Variants in ZNF280D observed in about 807,000 individuals in gnomAD.
ZNF280D encodes the protein zinc finger protein 280D.
ZNF280D carries 39 observed loss-of-function variants against 94.7 expected under a neutral mutation model. The ratio of observed to expected loss-of-function variants is 0.41; its 90% CI spans 0.32 to 0.54. The LOEUF (loss-of-function observed/expected upper bound fraction) is 0.54. Among genes scored for constraint, ZNF280D ranks in the 20% least tolerant of loss-of-function variants. ZNF280D has a pLI of 0.22. For synonymous variants in ZNF280D, 398 were observed against 377.6 expected (o/e 1.05, Z -0.63); for missense variants, 1,090 against 1,149.3 (o/e 0.95, Z 0.75).
At chr15:56,685,162 T>C (rs1162223224) in intron 9 of ZNF280D, among the ~76,000 whole-genome samples, 2 of 152,160 alleles carry the variant, frequency 1.3e-5, no homozygotes, top group African/African-American at 4.8e-5. Context: ...TACAGTCAAA[T>C]TGCTTTGAAC....
At chr15:56,646,790 A>C (rs1472631346) in intron 19 of ZNF280D, among the ~76,000 whole-genome samples, 2 of 152,226 alleles carry the variant, frequency 1.3e-5, no homozygotes, top group Non-Finnish European at 2.9e-5. Flanking sequence ...GACCTAAGCC[A>C]CTATGAAAGG....
In ZNF280D at chr15:56,719,086, T is replaced by C. The variant is rs531467011; in HGVS notation, c.-85-11780A>G. 5.3e-4 allele frequency among the ~76,000 whole-genome samples: 81 copies of C among 152,254 alleles called. No homozygotes were observed. The Middle Eastern group carries it at 0.01, about 19-fold the overall frequency. ...AACTGTTCCCTAACAGCAGATCTAA[T>C]AGATCCCATAGTCTCAGCTATCAAT... On this transcript the variant is annotated intron_variant, in intron 1 of 21. Transcript: ENST00000267807.
rs1320789838 is a variant in ZNF280D, at chr15:56,682,455, T to G, written c.803A>C (p.Asn268Thr). ...HMKYCCPDMINNFLGLAKTEF... is the reference protein window; with the variant it reads ...HMKYCCPDMITNFLGLAKTEF... The stretch of plus-strand genomic sequence containing the variant: ...TGTTTTAGCCAGTCCCAAAAAGTTA[T>G]TTATCATGTCTGGACAACAATACTG... Residue 268 changes from asparagine (N) to threonine (T), a missense_variant, in exon 10 of 22, where the codon AAT (asparagine) becomes ACT (threonine). Coordinates refer to ENST00000267807, the MANE Select transcript of ZNF280D (RefSeq NM_017661.4). 13 of 1,553,852 alleles carry G rather than the reference T, an allele frequency of 8.4e-6. No homozygotes were observed. The highest frequency in any genetic ancestry group is 1.7e-4 in the Middle Eastern group (1 of 5,938).
intron 6 of ZNF280D, among the ~76,000 whole-genome samples, chr15:56,696,022 T>A (rs899555782): frequency 2.0e-5 from 3 of 152,216 alleles, no homozygotes; most frequent in Non-Finnish European, 2.9e-5. Context: ...GTTTTAAGAA[T>A]TTTGCTTTAT....
chr15:56,723,726 A>G (rs2058491125), intron 1 of ZNF280D, among the ~76,000 whole-genome samples: 2 of 152,054 alleles, frequency 1.3e-5, no homozygotes, highest in South Asian at 4.1e-4. Flanking sequence ...CATCCACTCA[A>G]TACTTGACCA....
intron 16 of ZNF280D, among the ~76,000 whole-genome samples, chr15:56,663,224 T>C (rs1281884520): frequency 6.6e-5 from 9 of 137,252 alleles, no homozygotes; most frequent in Non-Finnish European, 9.1e-5. Context: ...GTTGAGGCTG[T>C]AGTGAACTGT....
At chr15:56,662,595 C>T (rs2054015194) in intron 16 of ZNF280D, among the ~76,000 whole-genome samples, 1 of 151,944 alleles carries the variant, frequency 6.6e-6, no homozygotes, top group Non-Finnish European at 1.5e-5. Context: ...GAGGCCAAGG[C>T]GGGTGGATCA....
chr15:56,721,571 T>C (rs1451095101), intron 1 of ZNF280D, among the ~76,000 whole-genome samples: 1 of 152,246 alleles, frequency 6.6e-6, no homozygotes, highest in East Asian at 1.9e-4. Context: ...CAGTACCTGC[T>C]GCTTCATCTT....
intron 1 of ZNF280D, chr15:56,730,746 T>G (rs1486809530): frequency 6.6e-6 from 1 of 152,252 alleles, no homozygotes; most frequent in African/African-American, 2.4e-5. Flanking sequence ...GGTTAGTATT[T>G]CCTCCAGAAT....
At chr15:56,650,223 T>C (rs747165863) in intron 19 of ZNF280D, among the ~76,000 whole-genome samples, 20 of 152,062 alleles carry the variant, frequency 1.3e-4, no homozygotes, top group Admixed American at 2.6e-4. Context: ...TGACAAAGAA[T>C]ATATGGGAAG....
chr15:56,688,121 A>T (rs532171828), intron 9 of ZNF280D, among the ~76,000 whole-genome samples: 1 of 152,204 alleles, frequency 6.6e-6, no homozygotes, highest in African/African-American at 2.4e-5. Context: ...GGATACTATA[A>T]TATCTACTAA....
In ZNF280D at chr15:56,676,780, C is replaced by T; in HGVS notation, c.1300G>A (p.Glu434Lys). The T allele has an allele frequency of 6.2e-7, 1 of 1,606,060 alleles. No individual in the cohort carries two copies. The highest frequency in any genetic ancestry group is 8.5e-7 in the Non-Finnish European group (1 of 1,175,250). ...TCATGGGATGTTCTAAAATGAGTTT[C>T]TACATCAGAAAATGATGATGATCTA... ...NYRSSSFSDVETHFRTSHENT... is the reference protein window; with the variant it reads ...NYRSSSFSDVKTHFRTSHENT... The change falls in exon 13 of 22, where the codon GAA (glutamate) becomes AAA (lysine). Residue 434 changes from glutamate (E) to lysine (K), a missense_variant. Physicochemically the swap from Glu to Lys is moderately conservative, Grantham distance 56 (BLOSUM62 1). Transcript: ENST00000267807.
chr15:56,687,175 A>C (rs2056082027), intron 9 of ZNF280D, among the ~76,000 whole-genome samples: 2 of 152,256 alleles, frequency 1.3e-5, no homozygotes, highest in South Asian at 4.1e-4. Flanking sequence ...CTTATGATAT[A>C]AACACATACA....
rs1429062982 is a variant in ZNF280D at position 56,654,252 on chromosome 15, G to A, written c.2177-18C>T. ...AACAGAAACTGAAATTAGAAGAAAA[G>A]TTTTACATTTACAACAGCATATGAA... On this transcript the variant is annotated intron_variant, in intron 18 of 21. Transcript: ENST00000267807. 5.0e-6 allele frequency: 8 copies of A among 1,609,750 alleles called. No homozygotes were observed. In the East Asian group the frequency reaches 8.9e-5, roughly 18 times the overall value.
chr15:56,678,805 T>G lies in ZNF280D; in HGVS notation c.1021A>C (p.Lys341Gln). 6.2e-7 allele frequency: 1 copy of G among 1,607,526 alleles called. No individual in the cohort carries two copies. The highest frequency in any genetic ancestry group is 8.5e-7 in the Non-Finnish European group (1 of 1,177,170). The part of the protein sequence containing the change: ...KNNIRFMNHM[K>Q]HHLELEKQSS... ...TGCTTCTCAAGTTCCAAATGGTGTTTCATGTGGTTCATAAACCTATAAATG... is the reference window on the plus strand; with the variant it reads ...TGCTTCTCAAGTTCCAAATGGTGTTGCATGTGGTTCATAAACCTATAAATG... Residue 341 changes from lysine (K) to glutamine (Q), a missense_variant, in exon 11 of 22, where the codon AAA becomes CAA. Transcript: ENST00000267807.
At chr15:56,652,772 A>G (rs975744141) in intron 19 of ZNF280D, 1 of 985,118 alleles carries the variant, frequency 1.0e-6, no homozygotes, top group Non-Finnish European at 1.2e-6. Flanking sequence ...AGAACTCACA[A>G]TTAAGGTAAT....
At chr15:56,695,136 G>C (rs1237864222) in intron 6 of ZNF280D, among the ~76,000 whole-genome samples, 1 of 152,054 alleles carries the variant, frequency 6.6e-6, no homozygotes, top group African/African-American at 2.4e-5. Context: ...GTGATGGCCT[G>C]ATCTCCGCTC....
chr15:56,653,165 A>G (rs1454731949), intron 19 of ZNF280D: 1 of 1,019,880 alleles, frequency 9.8e-7, no homozygotes, highest in Admixed American at 5.8e-5. Context: ...GAAAGTAGCC[A>G]TGGTTTCCTA....
At chr15:56,720,675 C>T (rs1304583034) in intron 1 of ZNF280D, among the ~76,000 whole-genome samples, 2 of 152,112 alleles carry the variant, frequency 1.3e-5, no homozygotes, top group Non-Finnish European at 2.9e-5. Context: ...GTTGAAATGA[C>T]TCCTTGACCC....
Sources: gnomAD v4.1 joint callset for allele counts (sites outside exome capture counted in the v4.1 genomes callset) on GRCh38, gnomAD v4.1.1 for gene constraint, MANE v1.5 for transcripts, NCBI Gene and HGNC (gene_info 2026-07-23, HGNC 2026-07-21) for gene names.